PTPRD: variants seen among roughly 807,000 people sequenced by gnomAD.
PTPRD encodes the protein protein tyrosine phosphatase receptor type D.
A neutral mutation model predicts 214.5 loss-of-function variants in PTPRD; 34 were observed. The ratio of observed to expected loss-of-function variants is 0.16; its 90% CI spans 0.12 to 0.21. The LOEUF is 0.21. PTPRD is among the 10% of genes least tolerant of loss of function. The pLI is 1.00. For synonymous variants in PTPRD, 1,128 were observed against 845.7 expected (o/e 1.33, Z -5.79); for missense variants, 2,545 against 2,398.7 (o/e 1.06, Z -1.27).
At chr9:9,994,682 A>G (rs1020057742) in intron 4 of PTPRD, among the ~76,000 whole-genome samples, 7 of 152,204 alleles carry the variant, frequency 4.6e-5, no homozygotes, top group Admixed American at 2.0e-4. Flanking sequence ...TTTATACTCA[A>G]TAAAGACCAT....
chr9:10,130,146 C>G lies in PTPRD; in HGVS notation c.-544-96356G>C, dbSNP rs1338797679. Among the ~76,000 whole-genome samples, 8 of 150,034 alleles carry G rather than the reference C, an allele frequency of 5.3e-5. No homozygotes were observed. The East Asian group carries it at 1.6e-3, about 29-fold the overall frequency. On this transcript the variant is annotated intron_variant, in intron 3 of 45. Transcript: ENST00000381196. ...TGTAAACTTTTTAGACTAGCACTAA[C>G]AGTTTTACATAATCTGACTCAAATC...
At position 8,579,593 on chromosome 9, in the gene PTPRD, G is replaced by A. The variant is rs554247831; in HGVS notation, c.353-50814C>T. On this transcript the variant is annotated intron_variant, in intron 14 of 45. Coordinates refer to ENST00000381196, the MANE Select transcript of PTPRD (RefSeq NM_002839.4). ...TCATAAAAGAAGTCACATTCTAGGG[G>A]AACAAAAGATACATATATAGTTGCA... is the stretch of plus-strand genomic sequence containing the variant. 2.6e-5 allele frequency among the ~76,000 whole-genome samples: 4 copies of A among 152,220 alleles called. No individual in the cohort carries two copies. The South Asian group carries it at 8.3e-4, about 32-fold the overall frequency.
intron 2 of PTPRD, among the ~76,000 whole-genome samples, chr9:10,509,557 T>TTTTATATATATATATATATA (rs1555449948): frequency 7.5e-5 from 8 of 106,690 alleles, no homozygotes; most frequent in East Asian, 3.4e-4. Flanking sequence ...TTAATAAATA[T>TTTTATATATATATATATATA]TATATATATA....
chr9:10,036,048 C>T (rs973471548), intron 3 of PTPRD, among the ~76,000 whole-genome samples: 11 of 152,124 alleles, frequency 7.2e-5, no homozygotes, highest in Admixed American at 1.3e-4. Flanking sequence ...AAATAAACTT[C>T]ACTCTTGGAT....
At chr9:10,513,182 A>G (rs1000303101) in intron 2 of PTPRD, among the ~76,000 whole-genome samples, 10 of 148,242 alleles carry the variant, frequency 6.7e-5, no homozygotes, top group Non-Finnish European at 9.0e-5. Context: ...TTGTGTGTGT[A>G]TGTGTGTGTG....
intron 10 of PTPRD, among the ~76,000 whole-genome samples, chr9:9,162,626 T>C (rs1012381523): frequency 6.6e-6 from 1 of 152,072 alleles, no homozygotes; most frequent in Non-Finnish European, 1.5e-5. Context: ...TTTTCTCCAC[T>C]TCTGGAGGAA....
At chr9:8,482,183 T>A (rs2096901239) in intron 30 of PTPRD, among the ~76,000 whole-genome samples, 1 of 152,198 alleles carries the variant, frequency 6.6e-6, no homozygotes, top group Admixed American at 6.5e-5. Context: ...ACTTCTGAAT[T>A]TTTTTATCCT....
chr9:9,424,794 T>C (rs1055759627), intron 8 of PTPRD, among the ~76,000 whole-genome samples: 1 of 152,156 alleles, frequency 6.6e-6, no homozygotes, highest in African/African-American at 2.4e-5. Context: ...AAAATTGCAC[T>C]TCTACAGACC....
At chr9:8,840,025 C>T (rs114225637) in intron 11 of PTPRD, among the ~76,000 whole-genome samples, 2,611 of 152,248 alleles carry the variant, frequency 0.017, 67 homozygotes, top group African/African-American at 0.06. Flanking sequence ...CTATAAGCAA[C>T]ATATTTTTCC....
chr9:9,455,081 T>C (rs993431643), intron 8 of PTPRD, among the ~76,000 whole-genome samples: 1 of 151,626 alleles, frequency 6.6e-6, no homozygotes, highest in Admixed American at 6.6e-5. Context: ...TGTTGAAATA[T>C]AAAAGAAGTA....
At chr9:8,982,749 C>T (rs879307678) in intron 11 of PTPRD, among the ~76,000 whole-genome samples, 2 of 151,926 alleles carry the variant, frequency 1.3e-5, no homozygotes, top group Non-Finnish European at 2.9e-5. Flanking sequence ...TATTTAGCAA[C>T]CTGCATGTCT....
At chr9:8,512,590 C>T (rs1225748835) in intron 21 of PTPRD, among the ~76,000 whole-genome samples, 1 of 151,900 alleles carries the variant, frequency 6.6e-6, no homozygotes, top group African/African-American at 2.4e-5. Flanking sequence ...TTTTGCAATG[C>T]CCAGAATTTG....
At chr9:10,222,855 A>G (rs1263957045) in intron 3 of PTPRD, among the ~76,000 whole-genome samples, 1 of 152,018 alleles carries the variant, frequency 6.6e-6, no homozygotes, top group Non-Finnish European at 1.5e-5. Flanking sequence ...ATCCCACTAG[A>G]TTCTTATTAA....
intron 8 of PTPRD, among the ~76,000 whole-genome samples, chr9:9,509,942 C>T (rs569096275): frequency 3.3e-5 from 5 of 151,690 alleles, no homozygotes; most frequent in African/African-American, 4.8e-5. Flanking sequence ...GTTTCCATTT[C>T]CAACTGGCTG....
chr9:9,250,012 A>G (rs1389465816), intron 9 of PTPRD, among the ~76,000 whole-genome samples: 3 of 152,106 alleles, frequency 2.0e-5, no homozygotes, highest in Admixed American at 2.0e-4. Context: ...TAAATTAAAT[A>G]CTGTTTGAAT....
intron 7 of PTPRD, among the ~76,000 whole-genome samples, chr9:9,658,562 CAAG>C (rs1440660017): frequency 1.3e-5 from 2 of 152,092 alleles, no homozygotes; most frequent in South Asian, 2.1e-4. Context: ...TCGATCTCTC[CAAG>C]AAGATCACTT....
intron 35 of PTPRD, among the ~76,000 whole-genome samples, chr9:8,407,909 G>C (rs570153452): frequency 4.6e-5 from 7 of 152,178 alleles, no homozygotes; most frequent in African/African-American, 1.4e-4. Context: ...AGTAAACTCA[G>C]TAAAGAATAA....
chr9:9,504,399 G>T (rs2096521962), intron 8 of PTPRD, among the ~76,000 whole-genome samples: 2 of 151,540 alleles, frequency 1.3e-5, no homozygotes, highest in African/African-American at 4.8e-5. Context: ...GACCTACAAG[G>T]CCGCAAATTA....
intron 3 of PTPRD, among the ~76,000 whole-genome samples, chr9:10,258,006 G>T (rs1241209208): frequency 1.3e-5 from 2 of 152,158 alleles, no homozygotes; most frequent in East Asian, 1.9e-4. Flanking sequence ...GGCAGGGGCA[G>T]GAAGCTTGTG....
Sources: gnomAD v4.1 joint callset for allele counts (sites outside exome capture counted in the v4.1 genomes callset) on GRCh38, gnomAD v4.1.1 for gene constraint, MANE v1.5 for transcripts, NCBI Gene and HGNC (gene_info 2026-07-23, HGNC 2026-07-21) for gene names.